R3HDM1: variants seen among roughly 807,000 people sequenced by gnomAD.
R3HDM1 encodes the protein R3H domain-containing protein 1.
R3HDM1 carries 46 observed loss-of-function variants against 141.1 expected under a neutral mutation model. That is an observed-to-expected ratio of 0.33 (90% CI 0.26 to 0.42). The LOEUF (loss-of-function observed/expected upper bound fraction) is 0.42, where lower values mean the gene tolerates loss of function less well. Ranked by LOEUF, R3HDM1 falls within the 10% of genes least tolerant of loss-of-function variation. R3HDM1 has a pLI of 1.00. For missense variants in R3HDM1, 1,184 were observed against 1,368.3 expected, an observed-to-expected ratio of 0.87 and a Z score of 2.12; for synonymous variants, 435 against 472.9, an observed-to-expected ratio of 0.92 and a Z score of 1.04.
chr2:135,589,151 AG>A (rs1708639169), intron 1 of R3HDM1, among the ~76,000 whole-genome samples: 1 of 152,214 alleles, frequency 6.6e-6, no homozygotes, highest in Non-Finnish European at 1.5e-5. Context: ...ATTCAAGCAT[AG>A]TATATATTAA....
intron 18 of R3HDM1, among the ~76,000 whole-genome samples, chr2:135,656,976 A>G (rs986494324): frequency 6.6e-6 from 1 of 151,658 alleles, no homozygotes; most frequent in Non-Finnish European, 1.5e-5. Context: ...GTGGGTGCCT[A>G]TAATCCCAGC....
At chr2:135,644,952 C>T (rs1158644296) in intron 15 of R3HDM1, among the ~76,000 whole-genome samples, 1 of 152,070 alleles carries the variant, frequency 6.6e-6, no homozygotes, top group African/African-American at 2.4e-5. Context: ...TGTAATGTCA[C>T]ATGCCTGTAA....
intron 1 of R3HDM1, among the ~76,000 whole-genome samples, chr2:135,556,426 A>G (rs532768166): frequency 2.0e-5 from 3 of 152,298 alleles, no homozygotes; most frequent in African/African-American, 7.2e-5. Context: ...ACTAGAACAT[A>G]TATGATCAAA....
intron 1 of R3HDM1, among the ~76,000 whole-genome samples, chr2:135,558,121 A>C (rs1203993304): frequency 1.3e-5 from 2 of 152,228 alleles, no homozygotes; most frequent in Non-Finnish European, 2.9e-5. Flanking sequence ...TTAAGCACAC[A>C]TCATAAGCAG....
Position 135,721,922 on chromosome 2 carries a change from A to G in R3HDM1, c.2882-2A>G, listed in dbSNP as rs2076734473. ...AAAATAAAATATTTTATTGACTTTCAGGAGATTCCAGGTATCCATTACTTG... is the reference window on the plus strand; with the variant it reads ...AAAATAAAATATTTTATTGACTTTCGGGAGATTCCAGGTATCCATTACTTG... On this transcript the variant is annotated splice_acceptor_variant, in intron 24 of 26. Transcript: ENST00000683871. LOFTEE classifies it high-confidence loss of function. The G allele has an allele frequency of 6.2e-7, 1 of 1,610,460 alleles. No homozygotes were observed. Among genetic ancestry groups the G allele is most frequent in the Admixed American group, 1.7e-5 (1 of 59,990 alleles).
chr2:135,699,075 T>TTAGATAGA (rs59211429), intron 21 of R3HDM1, among the ~76,000 whole-genome samples: 2,169 of 132,072 alleles, frequency 0.016, 84 homozygotes, highest in Admixed American at 0.049. Context: ...ATTAGATAGA[T>TTAGATAGA]TAGATAGATA....
intron 9 of R3HDM1, among the ~76,000 whole-genome samples, chr2:135,632,497 T>C (rs1357809876): frequency 2.6e-5 from 4 of 152,212 alleles, no homozygotes; most frequent in Admixed American, 1.3e-4. Context: ...ATATCATTAG[T>C]GCTGTCTTCT....
chr2:135,587,947 T>C (rs567927307), intron 1 of R3HDM1, among the ~76,000 whole-genome samples: 1 of 152,204 alleles, frequency 6.6e-6, no homozygotes, highest in South Asian at 2.1e-4. Context: ...CATTTGTCTT[T>C]CCTACTTTGT....
intron 2 of R3HDM1, among the ~76,000 whole-genome samples, chr2:135,604,584 T>C (rs2059893798): frequency 6.6e-6 from 1 of 152,228 alleles, no homozygotes; most frequent in Admixed American, 6.5e-5. Context: ...TGGGTACCAC[T>C]GTGCCTGGCT....
intron 1 of R3HDM1, among the ~76,000 whole-genome samples, chr2:135,540,206 G>A (rs1697160902): frequency 6.6e-6 from 1 of 152,114 alleles, no homozygotes; most frequent in Non-Finnish European, 1.5e-5. Flanking sequence ...AGCAATTCAA[G>A]CACATCTTCA....
At chr2:135,679,720 G>A (rs1175294013) in intron 20 of R3HDM1, among the ~76,000 whole-genome samples, 1 of 152,226 alleles carries the variant, frequency 6.6e-6, no homozygotes, top group Non-Finnish European at 1.5e-5. Context: ...TAAAGTGGTA[G>A]TGCTGTGGCT....
chr2:135,678,360 C>T (rs1303190129), intron 20 of R3HDM1, among the ~76,000 whole-genome samples: 1 of 152,104 alleles, frequency 6.6e-6, no homozygotes, highest in African/African-American at 2.4e-5. Flanking sequence ...TTCTGACTTT[C>T]CTACTTACTA....
chr2:135,564,155 A>G (rs919201941), intron 1 of R3HDM1, among the ~76,000 whole-genome samples: 3 of 152,194 alleles, frequency 2.0e-5, no homozygotes, highest in Admixed American at 6.5e-5. Context: ...AATTTGAATG[A>G]GACAAACATC....
At chr2:135,585,299 G>T (rs1707634357) in intron 1 of R3HDM1, among the ~76,000 whole-genome samples, 1 of 152,126 alleles carries the variant, frequency 6.6e-6, no homozygotes, top group Non-Finnish European at 1.5e-5. Flanking sequence ...TTTAGTGTTT[G>T]TCAAGTTGGT....
intron 3 of R3HDM1, among the ~76,000 whole-genome samples, chr2:135,615,775 T>C (rs186887167): frequency 3.0e-4 from 45 of 152,306 alleles, no homozygotes; most frequent in Admixed American, 2.9e-3. Flanking sequence ...GGTTTTTGTG[T>C]GTGTTCTTTT....
At chr2:135,636,231 A>G (rs1356349531) in intron 11 of R3HDM1, 48 bp downstream of exon 11, 23 of 1,577,124 alleles carry the variant, frequency 1.5e-5, no homozygotes, top group Non-Finnish European at 1.8e-5. Context: ...TATTCTAATT[A>G]CGTTGTAGGG....
chr2:135,620,597 C>T (rs536166366), intron 5 of R3HDM1: 835 of 981,434 alleles, frequency 8.5e-4, no homozygotes, highest in Middle Eastern at 1.0e-3. Context: ...AAAAAGTCTA[C>T]GTGTCTGATT....
chr2:135,718,708 C>T (rs2076401696), intron 24 of R3HDM1, among the ~76,000 whole-genome samples: 2 of 152,118 alleles, frequency 1.3e-5, no homozygotes, highest in Non-Finnish European at 2.9e-5. Context: ...TCTCGAACTC[C>T]TTGGCTCAAG....
At position 135,680,259 on chromosome 2, in the gene R3HDM1, T is replaced by C. The variant is rs1331937041; in HGVS notation, c.2394T>C (p.Ser798=). 6.2e-7 allele frequency: 1 copy of C among 1,614,002 alleles called. No individual in the cohort carries two copies. The highest frequency in any genetic ancestry group is 1.3e-5 in the African/African-American group (1 of 75,042). Residue 798 remains serine (S), a synonymous_variant, in exon 21 of 27, where the codon TCT becomes TCC. Transcript: ENST00000683871. ...TCCCTAATCAGTCTAATCAAGGATCTATGCCCACAACAGGAATGCCTGTTT... is the reference window on the plus strand; with the variant it reads ...TCCCTAATCAGTCTAATCAAGGATCCATGCCCACAACAGGAATGCCTGTTT... ...VMFPNQSNQG[S]MPTTGMPVYY...
Sources: gnomAD v4.1 joint callset for allele counts (sites outside exome capture counted in the v4.1 genomes callset) on GRCh38, gnomAD v4.1.1 for gene constraint, MANE v1.5 for transcripts, NCBI Gene and HGNC (gene_info 2026-07-23, HGNC 2026-07-21) for gene names.